CALCR: variants seen among roughly 807,000 people sequenced by gnomAD.
The protein encoded by CALCR is calcitonin receptor.
Under a neutral mutation model 59.5 loss-of-function variants are expected in CALCR, and 47 were observed. The ratio of observed to expected loss-of-function variants is 0.79; its 90% CI spans 0.63 to 1.01. CALCR has a LOEUF of 1.01. CALCR is among the 50% of genes least tolerant of loss of function. The pLI is 0.00. For missense variants in CALCR, 566 were observed against 597.1 expected (o/e 0.95, Z 0.54); for synonymous variants, 213 against 211.3 (o/e 1.01, Z -0.07).
At chr7:93,510,709 T>C (rs545978027) in intron 2 of CALCR, among the ~76,000 whole-genome samples, 5 of 151,722 alleles carry the variant, frequency 3.3e-5, no homozygotes, top group Admixed American at 2.6e-4. Flanking sequence ...CTCTACAAAA[T>C]AAAAGTTTTT....
intron 2 of CALCR, among the ~76,000 whole-genome samples, chr7:93,565,809 TC>T (rs1460154357): frequency 6.6e-6 from 1 of 152,206 alleles, no homozygotes; most frequent in Admixed American, 6.5e-5. Flanking sequence ...GAAATTCCAT[TC>T]CAATGTCCAT....
chr7:93,479,394 G>A lies in CALCR; in HGVS notation c.165C>T (p.Cys55=). ...RKKMMDAQYK[C]YDRMQQLPAY... is the part of the protein sequence containing the mutation. ...CGGGTAACTGCTGCATTCGGTCATA[G>A]CATTTGTACTGTGCATCCATCATCT... Residue 55 remains cysteine, a synonymous_variant, in exon 4 of 14, where the codon TGC becomes TGT. Transcript: ENST00000426151. 1 of 1,612,334 alleles carries A rather than the reference G, an allele frequency of 6.2e-7. No individual in the cohort carries two copies. The highest frequency in any genetic ancestry group is 1.7e-5 in the Admixed American group (1 of 59,838).
chr7:93,457,793 C>T (rs1223044734), intron 8 of CALCR, among the ~76,000 whole-genome samples: 3 of 152,084 alleles, frequency 2.0e-5, no homozygotes, highest in Non-Finnish European at 2.9e-5. Context: ...TGGTTATAGG[C>T]GGCGATCACT....
intron 2 of CALCR, among the ~76,000 whole-genome samples, chr7:93,526,397 G>C (rs1801877724): frequency 6.6e-6 from 1 of 151,960 alleles, no homozygotes; most frequent in Non-Finnish European, 1.5e-5. Context: ...GCAAAGAAGG[G>C]GGGAAAAGGC....
intron 2 of CALCR, among the ~76,000 whole-genome samples, chr7:93,561,989 T>A (rs1789761603): frequency 6.6e-6 from 1 of 152,090 alleles, no homozygotes; most frequent in Non-Finnish European, 1.5e-5. Context: ...CATCATTTCC[T>A]GGAGTTAAAA....
intron 11 of CALCR, among the ~76,000 whole-genome samples, chr7:93,437,549 T>C (rs1409231507): frequency 6.6e-6 from 1 of 152,186 alleles, no homozygotes; most frequent in African/African-American, 2.4e-5. Flanking sequence ...CCAAGTCTAC[T>C]GAATCCTAGG....
intron 8 of CALCR, among the ~76,000 whole-genome samples, chr7:93,449,649 ATAT>A (rs1800071574): frequency 6.6e-6 from 1 of 152,030 alleles, no homozygotes; most frequent in Admixed American, 6.6e-5. Context: ...TCCTAATTCA[ATAT>A]TATTTTATCA....
intron 13 of CALCR, among the ~76,000 whole-genome samples, chr7:93,429,926 G>GTTTTTTTTTTTTTT (rs370223680): frequency 3.9e-5 from 4 of 101,428 alleles, no homozygotes; most frequent in African/African-American, 1.0e-4. Context: ...TTTTTTTTTT[G>GTTTTTTTTTTTTTT]TTTGTTTGTT....
intron 2 of CALCR, among the ~76,000 whole-genome samples, chr7:93,524,708 C>G (rs530722168): frequency 6.6e-6 from 1 of 152,208 alleles, no homozygotes; most frequent in East Asian, 1.9e-4. Context: ...AAATAATGTA[C>G]ATATGTGTAT....
chr7:93,455,102 T>A (rs541186214), intron 8 of CALCR, among the ~76,000 whole-genome samples: 1 of 152,158 alleles, frequency 6.6e-6, no homozygotes, highest in East Asian at 1.9e-4. Flanking sequence ...CATTGCTGAT[T>A]CAGTGACCCT....
chr7:93,481,809 T>C (rs776954881), intron 3 of CALCR, among the ~76,000 whole-genome samples: 1 of 151,908 alleles, frequency 6.6e-6, no homozygotes, highest in Non-Finnish European at 1.5e-5. Context: ...AATGAACCCA[T>C]AAAAATGATT....
intron 5 of CALCR, among the ~76,000 whole-genome samples, chr7:93,474,939 T>C (rs1470520631): frequency 6.6e-6 from 1 of 151,794 alleles, no homozygotes; most frequent in African/African-American, 2.4e-5. Flanking sequence ...AACACTGCTA[T>C]TGTTTAAAAG....
intron 12 of CALCR, among the ~76,000 whole-genome samples, chr7:93,435,613 G>C (rs1799755231): frequency 6.6e-6 from 1 of 152,080 alleles, no homozygotes; most frequent in African/African-American, 2.4e-5. Flanking sequence ...TTTGATACCA[G>C]CCTGGCCAAC....
intron 13 of CALCR, among the ~76,000 whole-genome samples, chr7:93,428,610 C>T (rs1799581684): frequency 6.6e-6 from 1 of 152,070 alleles, no homozygotes; most frequent in African/African-American, 2.4e-5. Context: ...ACCATCCTGG[C>T]TAACACGGTG....
At chr7:93,439,465 C>T (rs1799852768) in intron 9 of CALCR, among the ~76,000 whole-genome samples, 1 of 152,120 alleles carries the variant, frequency 6.6e-6, no homozygotes, top group Admixed American at 6.6e-5. Flanking sequence ...AACTGAATCC[C>T]ACCTCATCAT....
chr7:93,458,673 G>A (rs138235974), intron 8 of CALCR, among the ~76,000 whole-genome samples: 1 of 152,214 alleles, frequency 6.6e-6, no homozygotes, highest in Admixed American at 6.6e-5. Flanking sequence ...CGTGTCCTAA[G>A]ACAGAAGTCT....
intron 2 of CALCR, among the ~76,000 whole-genome samples, chr7:93,524,271 G>A (rs1260813943): frequency 1.3e-5 from 2 of 150,584 alleles, no homozygotes; most frequent in East Asian, 2.0e-4. Context: ...CCTGGTTCAC[G>A]CCATTCTCCT....
At chr7:93,437,056 T>C (rs943603720) in intron 11 of CALCR, among the ~76,000 whole-genome samples, 6 of 152,008 alleles carry the variant, frequency 3.9e-5, no homozygotes, top group Admixed American at 3.9e-4. Flanking sequence ...TGCACTAATG[T>C]GCATTTCCTT....
chr7:93,469,515 CCT>C (rs1047928892), intron 6 of CALCR, among the ~76,000 whole-genome samples: 24 of 151,184 alleles, frequency 1.6e-4, no homozygotes, highest in African/African-American at 3.2e-4. Flanking sequence ...GTCACCCATC[CCT>C]CTCTCTGTCT....
Sources: gnomAD v4.1 joint callset for allele counts (sites outside exome capture counted in the v4.1 genomes callset) on GRCh38, gnomAD v4.1.1 for gene constraint, MANE v1.5 for transcripts, NCBI Gene and HGNC (gene_info 2026-07-23, HGNC 2026-07-21) for gene names.